IL1RAPL2: variants seen among roughly 807,000 people sequenced by gnomAD.
IL1RAPL2 encodes the protein X-linked interleukin-1 receptor accessory protein-like 2.
A neutral mutation model predicts 44.1 loss-of-function variants in IL1RAPL2; 3 were observed. The ratio of observed to expected loss-of-function variants is 0.07; its 90% confidence interval spans 0.03 to 0.18. The LOEUF is 0.18. IL1RAPL2 is among the 10% of genes least tolerant of loss of function. The pLI is 1.00. For missense variants in IL1RAPL2, 391 were observed against 496.4 expected, an observed-to-expected ratio of 0.79 and a Z score of 2.02; for synonymous variants, 181 against 178.8, an observed-to-expected ratio of 1.01 and a Z score of -0.10.
At chrX:105,228,117 C>T (rs1039133775) in intron 3 of IL1RAPL2, among the ~76,000 whole-genome samples, 9 of 111,753 alleles carry the variant, frequency 8.1e-5, no homozygotes, top group African/African-American at 1.6e-4. Context: ...GACTGTAGAT[C>T]GATTAATTGA....
Position 105,288,319 on chromosome X carries a change from T to C in IL1RAPL2, c.697+20778T>C, listed in dbSNP as rs191994454. Among the ~76,000 whole-genome samples, 4 of 110,348 alleles carry C rather than the reference T, an allele frequency of 3.6e-5. No homozygotes were observed. The East Asian group carries it at 1.1e-3, about 32-fold the overall frequency. ...CATATGTTCCTCTTCCTTTACAAGA[T>C]ATAATAGGCTTCAGAAAAGTGGTGT... On this transcript the variant is annotated intron_variant, in intron 5 of 10. Transcript: ENST00000372582.
chrX:104,879,766 T>A (rs1923013990), intron 2 of IL1RAPL2, among the ~76,000 whole-genome samples: 1 of 111,774 alleles, frequency 8.9e-6, no homozygotes, highest in African/African-American at 3.2e-5. Flanking sequence ...TTAGCTATCA[T>A]GAGTTGTTTC....
At chrX:104,731,565 G>A (rs770207122) in intron 2 of IL1RAPL2, among the ~76,000 whole-genome samples, 93 of 110,644 alleles carry the variant, frequency 8.4e-4, no homozygotes, top group Non-Finnish European at 1.5e-3. Flanking sequence ...ACCATGCCCA[G>A]CTAATTTTTG....
At chrX:105,693,723 G>T (rs1415123965) in intron 6 of IL1RAPL2, among the ~76,000 whole-genome samples, 1 of 111,829 alleles carries the variant, frequency 8.9e-6, no homozygotes. Context: ...GTCCTTATAA[G>T]AGAGAGGCAG....
At chrX:105,355,185 C>T (rs1390767781) in intron 5 of IL1RAPL2, among the ~76,000 whole-genome samples, 1 of 111,480 alleles carries the variant, frequency 9.0e-6, no homozygotes, top group Non-Finnish European at 1.9e-5. Context: ...TTCCATAGCC[C>T]TCAGATTAAA....
chrX:105,717,815 G>A (rs778421118), intron 7 of IL1RAPL2, among the ~76,000 whole-genome samples: 3 of 112,020 alleles, frequency 2.7e-5, no homozygotes, highest in Non-Finnish European at 5.6e-5. Flanking sequence ...CAGACCACTG[G>A]GCAAATTGTT....
intron 1 of IL1RAPL2, among the ~76,000 whole-genome samples, chrX:104,641,263 G>T (rs1209772032): frequency 1.8e-5 from 2 of 111,141 alleles, no homozygotes; most frequent in Admixed American, 9.5e-5. Flanking sequence ...TGCCCACGGT[G>T]GTAGACTGGG....
chrX:105,316,668 C>T (rs1603061991), intron 5 of IL1RAPL2, among the ~76,000 whole-genome samples: 1 of 111,949 alleles, frequency 8.9e-6, no homozygotes, highest in Admixed American at 9.5e-5. Context: ...GAAAGTTCAA[C>T]TTCATCCATG....
chrX:105,064,917 TA>T (rs1382265318), intron 2 of IL1RAPL2, among the ~76,000 whole-genome samples: 2 of 111,614 alleles, frequency 1.8e-5, no homozygotes, highest in African/African-American at 6.5e-5. Context: ...CTTCAAATCT[TA>T]AAAATGCAAG....
intron 1 of IL1RAPL2, among the ~76,000 whole-genome samples, chrX:104,644,618 C>A (rs936446697): frequency 1.8e-5 from 2 of 110,899 alleles, no homozygotes; most frequent in African/African-American, 6.6e-5. Flanking sequence ...TTCGACCATT[C>A]CCCCTTTTCT....
intron 2 of IL1RAPL2, among the ~76,000 whole-genome samples, chrX:104,695,804 G>A (rs759963897): frequency 8.1e-5 from 9 of 110,569 alleles, no homozygotes; most frequent in East Asian, 2.9e-4. Context: ...TAGGTACTGC[G>A]GTTTTCGTTT....
chrX:105,579,508 ATTG>A (rs1285760893), intron 6 of IL1RAPL2, among the ~76,000 whole-genome samples: 4 of 111,718 alleles, frequency 3.6e-5, no homozygotes, highest in African/African-American at 1.3e-4. Context: ...TACTAAATTT[ATTG>A]TTGTTATTAA....
In IL1RAPL2 at chrX:105,136,443, G is replaced by A. The variant is rs751579315; in HGVS notation, c.83-59032G>A. ...CACGTGTAAATGTGATCATATTTTC[G>A]TGAGTCTTTGCTATGTGCAGTGCAC... On this transcript the variant is annotated intron_variant, in intron 2 of 10. Transcript: ENST00000372582. 5.3e-5 allele frequency among the ~76,000 whole-genome samples: 6 copies of A among 112,228 alleles called. No homozygotes were observed. In the South Asian group the frequency reaches 2.2e-3, roughly 42 times the overall value.
At chrX:104,764,197 G>T (rs1039566714) in intron 2 of IL1RAPL2, among the ~76,000 whole-genome samples, 2 of 85,017 alleles carry the variant, frequency 2.4e-5, no homozygotes, top group Admixed American at 2.5e-4. Flanking sequence ...TATGAACATG[G>T]AATTTTTTTT....
At chrX:105,355,436 T>C (rs888650840) in intron 5 of IL1RAPL2, among the ~76,000 whole-genome samples, 17 of 111,418 alleles carry the variant, frequency 1.5e-4, no homozygotes, top group African/African-American at 5.2e-4. Flanking sequence ...CTCTTCCTTC[T>C]AGGAAACATA....
chrX:105,255,686 C>A (rs769125594), intron 4 of IL1RAPL2, among the ~76,000 whole-genome samples: 1 of 111,866 alleles, frequency 8.9e-6, no homozygotes, highest in Non-Finnish European at 1.9e-5. Context: ...ACTTCCAATA[C>A]TACATTGAAT....
chrX:104,654,742 G>A (rs1308523936), intron 1 of IL1RAPL2, among the ~76,000 whole-genome samples: 1 of 111,222 alleles, frequency 9.0e-6, no homozygotes, highest in African/African-American at 3.3e-5. Context: ...GGATGGCATT[G>A]AATCTATAAA....
At chrX:104,832,001 A>T (rs1921622727) in intron 2 of IL1RAPL2, among the ~76,000 whole-genome samples, 1 of 109,710 alleles carries the variant, frequency 9.1e-6, no homozygotes, top group Admixed American at 9.8e-5. Flanking sequence ...GCAGTTTTTA[A>T]TTTTTTTTTC....
At chrX:105,223,646 G>T (rs2033988377) in intron 3 of IL1RAPL2, among the ~76,000 whole-genome samples, 1 of 111,855 alleles carries the variant, frequency 8.9e-6, no homozygotes, top group South Asian at 3.7e-4. Context: ...CCTGTTAAGA[G>T]GTTCCTTCAA....
Sources: gnomAD v4.1 joint callset for allele counts (sites outside exome capture counted in the v4.1 genomes callset) on GRCh38, gnomAD v4.1.1 for gene constraint, MANE v1.5 for transcripts, NCBI Gene and HGNC (gene_info 2026-07-23, HGNC 2026-07-21) for gene names.